RBMS3: variants seen among roughly 807,000 people sequenced by gnomAD.
The protein encoded by RBMS3 is RNA-binding motif, single-stranded-interacting protein 3.
RBMS3 carries 27 observed loss-of-function variants against 66.8 expected under a neutral mutation model. The observed-to-expected ratio is 0.40, with a 90% CI of 0.30 to 0.56. The LOEUF is 0.56. Among genes scored for constraint, RBMS3 ranks in the 20% least tolerant of loss-of-function variants. The probability of loss-of-function intolerance (pLI) is 0.40; values close to 1 mark genes in which losing one functional copy is unlikely to be tolerated. For missense variants in RBMS3, 513 were observed against 549.5 expected (o/e 0.93, Z 0.66); for synonymous variants, 188 against 183.0 (o/e 1.03, Z -0.22).
At chr3:29,851,077 A>G (rs1362772534) in intron 6 of RBMS3, among the ~76,000 whole-genome samples, 1 of 152,172 alleles carries the variant, frequency 6.6e-6, no homozygotes, top group Non-Finnish European at 1.5e-5. Context: ...TACTGCATCT[A>G]TTACTTCCTC....
At chr3:29,583,558 A>G (rs2047405154) in intron 3 of RBMS3, among the ~76,000 whole-genome samples, 1 of 150,926 alleles carries the variant, frequency 6.6e-6, no homozygotes, top group Non-Finnish European at 1.5e-5. Context: ...GGGGTAATAC[A>G]ATGAAACAAC....
intron 4 of RBMS3, among the ~76,000 whole-genome samples, chr3:29,646,559 TTATAAG>T (rs1312552809): frequency 3.3e-5 from 5 of 152,098 alleles, no homozygotes; most frequent in Admixed American, 1.3e-4. Flanking sequence ...CTAATGTCTC[TTATAAG>T]TATGTCTACA....
At chr3:29,574,862 CAA>C (rs1491316481) in intron 3 of RBMS3, among the ~76,000 whole-genome samples, 1 of 145,824 alleles carries the variant, frequency 6.9e-6, no homozygotes, top group Non-Finnish European at 1.5e-5. Flanking sequence ...CACACACACA[CAA>C]GAAAATTAAT....
At chr3:29,745,402 A>G (rs1466988102) in intron 5 of RBMS3, among the ~76,000 whole-genome samples, 1 of 152,196 alleles carries the variant, frequency 6.6e-6, no homozygotes, top group Admixed American at 6.5e-5. Flanking sequence ...GTGAATGCCA[A>G]CAGAGTACCT....
intron 6 of RBMS3, among the ~76,000 whole-genome samples, chr3:29,773,996 T>C (rs893956): frequency 0.76 from 115,347 of 151,982 alleles, 44,862 homozygotes; most frequent in East Asian, 0.97. Context: ...TAAGAATTCA[T>C]GTTCACAAGC....
At chr3:29,494,045 TG>T (rs2043648416) in intron 3 of RBMS3, among the ~76,000 whole-genome samples, 1 of 152,228 alleles carries the variant, frequency 6.6e-6, no homozygotes, top group Admixed American at 6.5e-5. Context: ...CTGAAGGATT[TG>T]TTTATTTTTA....
chr3:29,954,604 G>A (rs1027724884), intron 12 of RBMS3, among the ~76,000 whole-genome samples: 8 of 151,930 alleles, frequency 5.3e-5, no homozygotes, highest in Non-Finnish European at 1.2e-4. Context: ...CAATTGGTGA[G>A]TTATTTTTCT....
intron 4 of RBMS3, among the ~76,000 whole-genome samples, chr3:29,691,836 C>T (rs1001159787): frequency 5.9e-5 from 9 of 151,986 alleles, no homozygotes; most frequent in African/African-American, 1.7e-4. Context: ...CATAACAATG[C>T]GGATTTGCTC....
intron 4 of RBMS3, among the ~76,000 whole-genome samples, chr3:29,674,739 A>T (rs1258968661): frequency 3.8e-5 from 1 of 26,594 alleles, no homozygotes; most frequent in African/African-American, 2.0e-4. Context: ...CACTGCTCCA[A>T]AAAAAAAAAA....
intron 3 of RBMS3, among the ~76,000 whole-genome samples, chr3:29,521,095 T>C (rs889222061): frequency 2.0e-5 from 3 of 152,154 alleles, no homozygotes; most frequent in African/African-American, 7.2e-5. Context: ...ATTATTTTTT[T>C]CCATAATACT....
chr3:29,313,479 G>A (rs2034499373), intron 1 of RBMS3, among the ~76,000 whole-genome samples: 1 of 151,652 alleles, frequency 6.6e-6, no homozygotes, highest in Admixed American at 6.6e-5. Context: ...CTTCTGCCTT[G>A]AACAAGGAAA....
At chr3:29,604,818 T>C (rs936424119) in intron 4 of RBMS3, among the ~76,000 whole-genome samples, 1 of 151,970 alleles carries the variant, frequency 6.6e-6, no homozygotes, top group Non-Finnish European at 1.5e-5. Context: ...GATCATTAGT[T>C]TTCCTCCAGG....
intron 14 of RBMS3, among the ~76,000 whole-genome samples, chr3:29,995,679 T>A (rs1000399101): frequency 6.6e-6 from 1 of 151,964 alleles, no homozygotes; most frequent in Non-Finnish European, 1.5e-5. Flanking sequence ...GCTTCATAAG[T>A]GAAGGAGAAA....
chr3:29,981,831 G>T (rs773199034), intron 12 of RBMS3, among the ~76,000 whole-genome samples: 2 of 152,148 alleles, frequency 1.3e-5, no homozygotes, highest in Non-Finnish European at 2.9e-5. Flanking sequence ...CAGTTTGCCA[G>T]TATTTTATTG....
intron 6 of RBMS3, among the ~76,000 whole-genome samples, chr3:29,820,835 A>G (rs2058059950): frequency 6.6e-6 from 1 of 152,178 alleles, no homozygotes; most frequent in Non-Finnish European, 1.5e-5. Context: ...CAGCTACTCC[A>G]GAGACCAGAG....
At chr3:29,651,794 G>A (rs569469996) in intron 4 of RBMS3, among the ~76,000 whole-genome samples, 118 of 152,194 alleles carry the variant, frequency 7.8e-4, no homozygotes, top group African/African-American at 2.7e-3. Context: ...CAGTTTGGAT[G>A]GTTGATAGCT....
chr3:29,612,649 A>G (rs1308686549), intron 4 of RBMS3, among the ~76,000 whole-genome samples: 1 of 152,018 alleles, frequency 6.6e-6, no homozygotes, highest in Non-Finnish European at 1.5e-5. Context: ...ATGTTTTGAG[A>G]ACTGCTCCTT....
chr3:29,648,083 T>G (rs1333674315), intron 4 of RBMS3, among the ~76,000 whole-genome samples: 1 of 152,040 alleles, frequency 6.6e-6, no homozygotes, highest in Admixed American at 6.5e-5. Flanking sequence ...AACCTGAATA[T>G]TTATAAATAC....
At chr3:29,906,494 A>G (rs909203510) in intron 10 of RBMS3, among the ~76,000 whole-genome samples, 1 of 151,996 alleles carries the variant, frequency 6.6e-6, no homozygotes, top group African/African-American at 2.4e-5. Context: ...TAATCCATTC[A>G]TGAGGACACA....
Sources: gnomAD v4.1 joint callset for allele counts (sites outside exome capture counted in the v4.1 genomes callset) on GRCh38, gnomAD v4.1.1 for gene constraint, MANE v1.5 for transcripts, NCBI Gene and HGNC (gene_info 2026-07-23, HGNC 2026-07-21) for gene names.